ADGRB3: variants seen among roughly 807,000 people sequenced by gnomAD.
ADGRB3 encodes adhesion G protein-coupled receptor B3, also known as brain-specific angiogenesis inhibitor 3.
Under a neutral mutation model 193.4 loss-of-function variants are expected in ADGRB3, and 37 were observed. That is an observed-to-expected ratio of 0.19 (90% CI 0.15 to 0.25). The LOEUF is 0.25. Ranked by LOEUF, ADGRB3 falls within the 10% of genes least tolerant of loss-of-function variation. The pLI is 1.00. For synonymous variants in ADGRB3, 690 were observed against 644.2 expected (o/e 1.07, Z -1.08); for missense variants, 1,637 against 1,852.9 (o/e 0.88, Z 2.14).
intron 13 of ADGRB3, among the ~76,000 whole-genome samples, chr6:69,027,765 T>A (rs912936108): frequency 6.6e-6 from 1 of 152,164 alleles, no homozygotes; most frequent in South Asian, 2.1e-4. Flanking sequence ...GGTCAGATGC[T>A]GAAGATATTT....
chr6:68,863,462 A>G lies in ADGRB3; in HGVS notation c.758-67097A>G, dbSNP rs535336491. 2.6e-5 allele frequency among the ~76,000 whole-genome samples: 4 copies of G among 152,164 alleles called. No individual in the cohort carries two copies. In the South Asian group the frequency reaches 8.3e-4, roughly 31 times the overall value. ...ACTGATACATTTTATTAAAATAATC[A>G]TTTAGTATGATTTTAATAAATAATT... On this transcript the variant is annotated intron_variant, in intron 3 of 31. Coordinates refer to ENST00000370598, the MANE Select transcript of ADGRB3 (RefSeq NM_001704.3).
intron 3 of ADGRB3, among the ~76,000 whole-genome samples, chr6:68,866,684 A>G (rs1376496295): frequency 1.3e-5 from 2 of 152,218 alleles, no homozygotes; most frequent in Non-Finnish European, 2.9e-5. Context: ...TAATAATGGT[A>G]TGGACAATGA....
intron 13 of ADGRB3, among the ~76,000 whole-genome samples, chr6:69,033,589 A>G (rs1047851484): frequency 1.3e-5 from 2 of 152,166 alleles, no homozygotes; most frequent in African/African-American, 4.8e-5. Context: ...ATAATTTCTT[A>G]TATGGCTAGT....
chr6:68,643,883 G>A (rs568471817), intron 3 of ADGRB3, among the ~76,000 whole-genome samples: 1 of 149,892 alleles, frequency 6.7e-6, no homozygotes, highest in South Asian at 2.1e-4. Context: ...AGTGAGCCGA[G>A]ATCGCACCAC....
chr6:69,274,595 TTCCCTCCCTCCC>T (rs36136728), intron 20 of ADGRB3, among the ~76,000 whole-genome samples: 25 of 92,484 alleles, frequency 2.7e-4, no homozygotes, highest in African/African-American at 9.7e-4. Flanking sequence ...TTCCTCCCTT[TTCCCTCCCTCCC>T]TCCCTCCCTC....
At chr6:68,662,375 G>T (rs980083093) in intron 3 of ADGRB3, among the ~76,000 whole-genome samples, 1 of 151,500 alleles carries the variant, frequency 6.6e-6, no homozygotes, top group African/African-American at 2.4e-5. Flanking sequence ...GATAAAGAGA[G>T]AATTTAAGTG....
intron 17 of ADGRB3, among the ~76,000 whole-genome samples, chr6:69,077,517 A>G (rs1346528261): frequency 1.3e-5 from 2 of 151,892 alleles, no homozygotes; most frequent in African/African-American, 4.8e-5. Context: ...AGTTATTCCA[A>G]AAGCCCCTTA....
rs9446080 is a variant in ADGRB3 at position 68,974,721 on chromosome 6, T to C, written c.1526-42T>C. 3.8e-6 allele frequency: 6 copies of C among 1,569,954 alleles called. No individual in the cohort carries two copies. The Admixed American group carries it at 8.6e-5, about 23-fold the overall frequency. The stretch of plus-strand genomic sequence containing the variant: ...ACAATTGTTTATTGCCAAAATTTTT[T>C]AAACACTACTGACATTCAAGTCCCT... On this transcript the variant is annotated intron_variant, in intron 8 of 31. Transcript: ENST00000370598.
intron 20 of ADGRB3, among the ~76,000 whole-genome samples, chr6:69,312,591 C>A (rs998726006): frequency 6.6e-6 from 1 of 151,548 alleles, no homozygotes; most frequent in African/African-American, 2.4e-5. Context: ...AAAAAGGAGG[C>A]ATTTTTCTCT....
intron 13 of ADGRB3, among the ~76,000 whole-genome samples, chr6:69,025,442 C>G (rs1383161936): frequency 6.6e-6 from 1 of 151,654 alleles, no homozygotes; most frequent in East Asian, 1.9e-4. Flanking sequence ...CACACATCCC[C>G]ATCTCTTGTT....
At chr6:68,843,185 A>G (rs1768198612) in intron 3 of ADGRB3, among the ~76,000 whole-genome samples, 2 of 152,026 alleles carry the variant, frequency 1.3e-5, no homozygotes, top group Admixed American at 1.3e-4. Flanking sequence ...ATCTAGAGCA[A>G]TCAGAAAAGA....
chr6:68,943,744 T>G, intron 5 of ADGRB3, 86 bp from the exon 6 acceptor site: 28 of 1,143,078 alleles, frequency 2.4e-5, no homozygotes, highest in East Asian at 1.2e-4. Context: ...GTCTATTTAA[T>G]GAGTTTTGCT....
At chr6:69,328,216 G>A (rs779698842) in intron 22 of ADGRB3, among the ~76,000 whole-genome samples, 6 of 152,086 alleles carry the variant, frequency 3.9e-5, no homozygotes, top group African/African-American at 7.2e-5. Flanking sequence ...TTTTTAGAAC[G>A]TGGTGCTGCT....
intron 17 of ADGRB3, among the ~76,000 whole-genome samples, chr6:69,127,499 C>T (rs543156123): frequency 5.3e-5 from 8 of 152,112 alleles, no homozygotes; most frequent in Non-Finnish European, 5.9e-5. Context: ...AGCTTCAATT[C>T]CGATTTCTAT....
At chr6:68,863,049 A>T (rs1301449456) in intron 3 of ADGRB3, among the ~76,000 whole-genome samples, 1 of 152,134 alleles carries the variant, frequency 6.6e-6, no homozygotes, top group Non-Finnish European at 1.5e-5. Context: ...TTTTCCCTGA[A>T]GTTAATAATT....
chr6:69,155,957 C>T lies in ADGRB3; in HGVS notation c.2481-77333C>T, dbSNP rs188307754. 3.7e-3 allele frequency among the ~76,000 whole-genome samples: 556 copies of T among 151,854 alleles called. 4 individuals are homozygous for T. The highest frequency in any genetic ancestry group is 0.024 in the Middle Eastern group (7 of 294). The stretch of plus-strand genomic sequence containing the variant: ...TGTGTCTATATTTGTTCTTATGTTT[C>T]TTATATATATTAAATGAAAGTTTAA... On this transcript the variant is annotated intron_variant, in intron 17 of 31. Coordinates refer to ENST00000370598, the MANE Select transcript of ADGRB3 (RefSeq NM_001704.3).
chr6:68,799,693 T>C (rs1028425590), intron 3 of ADGRB3, among the ~76,000 whole-genome samples: 7 of 151,922 alleles, frequency 4.6e-5, no homozygotes, highest in Admixed American at 1.3e-4. Context: ...CATGAGGAAA[T>C]AGATAAAGGC....
chr6:68,741,297 T>C (rs1765975791), intron 3 of ADGRB3, among the ~76,000 whole-genome samples: 1 of 152,158 alleles, frequency 6.6e-6, no homozygotes, highest in South Asian at 2.1e-4. Context: ...TAAAGTAACC[T>C]CCTAAAGGTC....
At chr6:69,273,273 C>T (rs62408281) in intron 20 of ADGRB3, among the ~76,000 whole-genome samples, 11,644 of 152,184 alleles carry the variant, frequency 0.077, 502 homozygotes, top group African/African-American at 0.11. Context: ...GTTCTGCTAG[C>T]GGAAGTTTAC....
Sources: gnomAD v4.1 joint callset for allele counts (sites outside exome capture counted in the v4.1 genomes callset) on GRCh38, gnomAD v4.1.1 for gene constraint, MANE v1.5 for transcripts, NCBI Gene and HGNC (gene_info 2026-07-23, HGNC 2026-07-21) for gene names.